NUP43: variants seen among roughly 807,000 people sequenced by gnomAD.
The protein encoded by NUP43 is nucleoporin 43, also known as nucleoporin Nup43.
A neutral mutation model predicts 47.3 loss-of-function variants in NUP43; 32 were observed. The observed-to-expected ratio is 0.68, with a 90% CI of 0.51 to 0.91. The LOEUF (loss-of-function observed/expected upper bound fraction) is 0.91. NUP43 is among the 40% of genes least tolerant of loss of function. The pLI, the probability that NUP43 is intolerant of heterozygous loss-of-function variation, is 0.00. For synonymous variants in NUP43, 147 were observed against 158.4 expected (o/e 0.93, Z 0.54); for missense variants, 444 against 453.9 (o/e 0.98, Z 0.20).
In NUP43 at chr6:149,746,528, G is replaced by C. The variant is rs759312715; in HGVS notation, c.-33C>G. The C allele has an allele frequency of 2.5e-6, 4 of 1,614,078 alleles. No homozygotes were observed. Among genetic ancestry groups the C allele is most frequent in the Admixed American group, 3.3e-5 (2 of 60,018 alleles). On this transcript the variant is annotated 5_prime_UTR_variant, in exon 1 of 8. Transcript: ENST00000340413. The stretch of plus-strand genomic sequence containing the variant: ...GCGGCCGCAGCAGGTACTGCAAAAA[G>C]CAAGCACAGTACGCGCCTCTCAGCA...
At position 149,744,203 on chromosome 6, in the gene NUP43, G is replaced by C. The variant is rs1477286543; in HGVS notation, c.244-488C>G. On this transcript the variant is annotated intron_variant, in intron 2 of 7. Coordinates refer to ENST00000340413, the MANE Select transcript of NUP43 (RefSeq NM_198887.3). Reference sequence around the variant, plus strand: ...CATTCCAGCCTAGTTGACAGAGCAAGACTCAGTTTCAAAAAAAGAATAAAA... The same window carrying C: ...CATTCCAGCCTAGTTGACAGAGCAACACTCAGTTTCAAAAAAAGAATAAAA... 2.0e-5 allele frequency among the ~76,000 whole-genome samples: 3 copies of C among 152,084 alleles called. No individual in the cohort carries two copies. In the South Asian group the frequency reaches 6.2e-4, roughly 32 times the overall value.
chr6:149,745,293 G>C (rs1785915860), intron 2 of NUP43, among the ~76,000 whole-genome samples: 1 of 151,576 alleles, frequency 6.6e-6, no homozygotes, highest in Non-Finnish European at 1.5e-5. Flanking sequence ...CCAGCTACCC[G>C]GGAGGCTGAG....
At chr6:149,735,623 C>CACACAGAGATA (rs1785293315) in intron 6 of NUP43, among the ~76,000 whole-genome samples, 1 of 122,116 alleles carries the variant, frequency 8.2e-6, no homozygotes, top group South Asian at 2.5e-4. Context: ...AAAAAAAACA[C>CACACAGAGATA]ACACAGAGAT....
rs879060253 is a variant in NUP43 at position 149,725,707 on chromosome 6, C to A, written c.*1262G>T. 6.6e-6 allele frequency: 1 copy of A among 152,132 alleles called. No homozygotes were observed. The highest frequency in any genetic ancestry group is 1.5e-5 in the Non-Finnish European group (1 of 68,024). 9.4% of individuals were successfully genotyped at this position (152,132 alleles called of 1,614,324 possible). ...CAATTGTCTAATAGCAGTGATTTGT[C>A]ATTAAGGTCTCAGGTCAATAATACA... is the stretch of plus-strand genomic sequence containing the variant. On this transcript the variant is annotated 3_prime_UTR_variant, in exon 8 of 8. Coordinates refer to ENST00000340413, the MANE Select transcript of NUP43 (RefSeq NM_198887.3).
chr6:149,744,890 T>C (rs1785884879), intron 2 of NUP43, among the ~76,000 whole-genome samples: 1 of 148,342 alleles, frequency 6.7e-6, no homozygotes, highest in Admixed American at 6.7e-5. Flanking sequence ...TTTTATTTTA[T>C]TTATTTATTT....
Position 149,733,298 on chromosome 6 carries a change from T to C in NUP43, c.791-1563A>G, listed in dbSNP as rs116636334. ...CCAAAATTTGGAAATGTTCCAAGAA[T>C]TTGGATCCAGTCTCAGATGGAGGGC... On this transcript the variant is annotated intron_variant, in intron 6 of 7. Transcript: ENST00000340413. Among the ~76,000 whole-genome samples the C allele has an allele frequency of 2.0e-3, 312 of 152,256 alleles. 3 individuals are homozygous for C. Among genetic ancestry groups the C allele is most frequent in the African/African-American group, 7.0e-3 (292 of 41,528 alleles).
At chr6:149,733,817 ATC>A (rs1785180144) in intron 6 of NUP43, among the ~76,000 whole-genome samples, 1 of 149,400 alleles carries the variant, frequency 6.7e-6, no homozygotes, top group Non-Finnish European at 1.5e-5. Flanking sequence ...TTTCCTCAAA[ATC>A]TGTTTTGTTT....
chr6:149,727,093 A>G lies in NUP43; in HGVS notation c.1019T>C (p.Ile340Thr), dbSNP rs1180382012. 1 of 1,614,198 alleles carries G rather than the reference A, an allele frequency of 6.2e-7. No homozygotes were observed. Among genetic ancestry groups the G allele is most frequent in the Admixed American group, 1.7e-5 (1 of 60,018 alleles). ...ACTGGGAAGTAAGCTTGTGATTTCAATTCGGTCTTTTGCAGGATCAGTGCT... is the reference window on the plus strand; with the variant it reads ...ACTGGGAAGTAAGCTTGTGATTTCAGTTCGGTCTTTTGCAGGATCAGTGCT... ...WLSTDPAKDRIEITSLLPSRS... is the reference protein window; with the variant it reads ...WLSTDPAKDRTEITSLLPSRS... Residue 340 changes from isoleucine (I) to threonine (T), a missense_variant, in exon 8 of 8, where the codon ATT becomes ACT. Ile to Thr is a moderately conservative substitution (Grantham distance 89). Coordinates refer to ENST00000340413, the MANE Select transcript of NUP43 (RefSeq NM_198887.3).
At chr6:149,727,551 A>G (rs1347512152) in intron 7 of NUP43, 4 of 969,538 alleles carry the variant, frequency 4.1e-6, no homozygotes, top group Non-Finnish European at 4.9e-6. Flanking sequence ...CCAAAAATGT[A>G]GGTAATACAT....
At chr6:149,745,854 A>G in intron 2 of NUP43, 86 bp downstream of exon 2, 1 of 1,229,850 alleles carries the variant, frequency 8.1e-7, no homozygotes, top group African/African-American at 1.5e-5. Flanking sequence ...GAGGGGTGAC[A>G]CCAGACAACT....
At chr6:149,743,789 CAATT>C (rs1372526124) in intron 2 of NUP43, 74 bp from the exon 3 acceptor site, 9 of 836,120 alleles carry the variant, frequency 1.1e-5, no homozygotes, top group Admixed American at 9.2e-5. Flanking sequence ...TTATTTAACT[CAATT>C]AGTAGCAAAT....
At chr6:149,728,311 TA>T (rs1317421601) in intron 7 of NUP43, 4 of 985,082 alleles carry the variant, frequency 4.1e-6, no homozygotes, top group Non-Finnish European at 4.8e-6. Flanking sequence ...CAAGGTTCCT[TA>T]AAAGTAAACT....
chr6:149,744,397 G>A (rs370844558), intron 2 of NUP43, among the ~76,000 whole-genome samples: 13 of 151,490 alleles, frequency 8.6e-5, no homozygotes, highest in South Asian at 8.3e-4. Context: ...GCTGGCATGT[G>A]CCTGTACTCC....
intron 4 of NUP43, among the ~76,000 whole-genome samples, chr6:149,741,212 C>T (rs1398324606): frequency 6.6e-6 from 1 of 152,132 alleles, no homozygotes; most frequent in Non-Finnish European, 1.5e-5. Flanking sequence ...TGCTCTGTCA[C>T]CCAGGCTGGA....
At position 149,742,578 on chromosome 6, in the gene NUP43, T is replaced by C. The variant is rs755201917; in HGVS notation, c.322-8A>G. The stretch of plus-strand genomic sequence containing the variant: ...CTGGTTGACTGACAGAGTCTAGGCA[T>C]CAGAAATGAGGATACTATTAAAGCA... On this transcript the variant is annotated splice_region_variant and splice_polypyrimidine_tract_variant and intron_variant, in intron 3 of 7. Transcript: ENST00000340413. 15 of 1,610,836 alleles carry C rather than the reference T, an allele frequency of 9.3e-6. No homozygotes were observed. The highest frequency in any genetic ancestry group is 1.3e-5 in the African/African-American group (1 of 74,856).
rs200011392 is a variant in NUP43, at chr6:149,727,174, G to C, written c.938C>G (p.Ser313Cys). Residue 313 changes from serine to cysteine, a missense_variant, in exon 8 of 8, where the codon TCT becomes TGT. Coordinates refer to ENST00000340413, the MANE Select transcript of NUP43 (RefSeq NM_198887.3). ...ATTAGCTTGGTTACTAATGCTATGAGACAAAAAAGTACTGCTTCTTCCTCC... is the reference window on the plus strand; with the variant it reads ...ATTAGCTTGGTTACTAATGCTATGACACAAAAAAGTACTGCTTCTTCCTCC... Reference protein sequence around the residue: ...HQGGRSSTFLSHSISNQANVH... With the variant: ...HQGGRSSTFLCHSISNQANVH... 1.9e-6 allele frequency: 3 copies of C among 1,612,776 alleles called. No homozygotes were observed. Among genetic ancestry groups the C allele is most frequent in the Non-Finnish European group, 2.5e-6 (3 of 1,179,566 alleles).
Position 149,746,032 on chromosome 6 carries a change from C to A in NUP43, c.151G>T (p.Asp51Tyr), listed in dbSNP as rs1288796301. Residue 51 changes from aspartate to tyrosine, a missense_variant, in exon 2 of 8, where the codon GAT becomes TAT. Coordinates refer to ENST00000340413, the MANE Select transcript of NUP43 (RefSeq NM_198887.3). ...ENYISLWSIGDFGNLDSDGGF... is the reference protein window; with the variant it reads ...ENYISLWSIGYFGNLDSDGGF... Reference sequence around the variant, plus strand: ...CCATCAGAGTCCAAGTTTCCAAAATCTCCAATAGACCACAGTGAAATATAA... The same window carrying A: ...CCATCAGAGTCCAAGTTTCCAAAATATCCAATAGACCACAGTGAAATATAA... 6.2e-7 allele frequency: 1 copy of A among 1,613,810 alleles called. No individual in the cohort carries two copies. Among genetic ancestry groups the A allele is most frequent in the East Asian group, 2.2e-5 (1 of 44,900 alleles).
intron 2 of NUP43, among the ~76,000 whole-genome samples, chr6:149,745,065 C>T (rs1355607119): frequency 6.6e-6 from 1 of 150,944 alleles, no homozygotes; most frequent in Non-Finnish European, 1.5e-5. Flanking sequence ...GGCTAGGTAG[C>T]TTTCTATGGA....
chr6:149,733,834 T>C, intron 6 of NUP43, among the ~76,000 whole-genome samples: 1 of 151,944 alleles, frequency 6.6e-6, no homozygotes. Flanking sequence ...TTGTTTTGTT[T>C]TTTTTTTGAG....
Sources: allele counts gnomAD v4.1 joint callset (sites outside exome capture counted in the v4.1 genomes callset), GRCh38; gene constraint gnomAD v4.1.1; transcripts MANE v1.5; gene names NCBI Gene and HGNC (gene_info 2026-07-23, HGNC 2026-07-21).